The following UXS1 variants were observed in gnomAD, a reference collection of about 807,000 sequenced individuals.
The protein encoded by UXS1 is UDP-glucuronate decarboxylase 1.
A neutral mutation model predicts 62.6 loss-of-function variants in UXS1; 33 were observed. The ratio of observed to expected loss-of-function variants is 0.53; its 90% CI spans 0.40 to 0.70. The LOEUF is 0.70. Among genes scored for constraint, UXS1 ranks in the 30% least tolerant of loss-of-function variants. UXS1 has a pLI of 0.00. For missense variants in UXS1, 434 were observed against 556.3 expected, an observed-to-expected ratio of 0.78 and a Z score of 2.21; for synonymous variants, 213 against 206.8, an observed-to-expected ratio of 1.03 and a Z score of -0.26.
intron 1 of UXS1, among the ~76,000 whole-genome samples, chr2:106,183,095 T>C (rs1445580904): frequency 1.3e-5 from 2 of 152,154 alleles, no homozygotes; most frequent in Non-Finnish European, 2.9e-5. Context: ...TATTCACAGC[T>C]AATGGCCATT....
At chr2:106,110,166 G>T (rs908427360) in intron 10 of UXS1, among the ~76,000 whole-genome samples, 19 of 152,122 alleles carry the variant, frequency 1.2e-4, no homozygotes, top group African/African-American at 4.3e-4. Context: ...ATTCTGAAAG[G>T]CCTCCCTCGG....
intron 9 of UXS1, among the ~76,000 whole-genome samples, chr2:106,113,121 T>C (rs567440618): frequency 6.6e-6 from 1 of 152,362 alleles, no homozygotes; most frequent in South Asian, 2.1e-4. Flanking sequence ...ATGTTATGAA[T>C]ATGCTTTTCT....
At chr2:106,150,939 A>G (rs1484555798) in intron 5 of UXS1, among the ~76,000 whole-genome samples, 1 of 152,198 alleles carries the variant, frequency 6.6e-6, no homozygotes, top group Non-Finnish European at 1.5e-5. Context: ...TGGAGTCAAG[A>G]AAGATTATCT....
In UXS1 at chr2:106,154,065, CA is replaced by C. The variant is rs370865919; in HGVS notation, c.291+3992del. 6.5e-3 allele frequency among the ~76,000 whole-genome samples: 984 copies of C among 152,264 alleles called. 10 individuals carry two copies. Among genetic ancestry groups the C allele is most frequent in the African/African-American group, 0.02 (835 of 41,554 alleles). ...GCAGGAAACTAAACAGAGCCTCAGACAAATACAGGACACCAATAAGTGCATC... is the reference window on the plus strand; with the variant it reads ...GCAGGAAACTAAACAGAGCCTCAGACAATACAGGACACCAATAAGTGCATC... On this transcript the variant is annotated intron_variant, in intron 5 of 14. Coordinates refer to ENST00000283148, the MANE Select transcript of UXS1 (RefSeq NM_001253875.2).
chr2:106,093,894 G>T lies in UXS1; in HGVS notation c.*132C>A. On this transcript the variant is annotated 3_prime_UTR_variant, in exon 15 of 15. Transcript: ENST00000283148. ...AGGCACATCCATTTCATTAAAGCAA[G>T]CTTCAGAATGAAATTCCAGTTTGTT... The T allele has an allele frequency of 8.0e-7, 1 of 1,255,246 alleles. No individual in the cohort carries two copies. Among genetic ancestry groups the T allele is most frequent in the Non-Finnish European group, 1.1e-6 (1 of 951,472 alleles). The allele number at this position is 1,255,246 out of a possible 1,614,324, so 77.8% of individuals were successfully genotyped here. A position where few individuals can be genotyped will look rare whatever the true frequency, so the allele number is the denominator to read the frequency against.
At chr2:106,139,284 G>A (rs1478084787) in intron 6 of UXS1, among the ~76,000 whole-genome samples, 2 of 152,172 alleles carry the variant, frequency 1.3e-5, no homozygotes, top group Non-Finnish European at 2.9e-5. Flanking sequence ...AGCTCAGCTA[G>A]AAAAATAGAA....
rs528627291 is a variant in UXS1, at chr2:106,194,265, G to C, written c.-24C>G. ...ATCCCCGGGAGCCGCGCGGGTCCAGGGCCCTACCGCGCGGGGGCCCGCCTG... is the reference window on the plus strand; with the variant it reads ...ATCCCCGGGAGCCGCGCGGGTCCAGCGCCCTACCGCGCGGGGGCCCGCCTG... On this transcript the variant is annotated 5_prime_UTR_variant, in exon 1 of 15. Transcript: ENST00000283148. The C allele has an allele frequency of 7.6e-7, 1 of 1,324,214 alleles. No individual in the cohort carries two copies. The highest frequency in any genetic ancestry group is 9.8e-7 in the Non-Finnish European group (1 of 1,025,304). 82.0% of individuals were successfully genotyped at this position (1,324,214 alleles called of 1,614,324 possible).
At chr2:106,113,875 A>G (rs1678842168) in intron 9 of UXS1, among the ~76,000 whole-genome samples, 1 of 152,214 alleles carries the variant, frequency 6.6e-6, no homozygotes, top group South Asian at 2.1e-4. Context: ...TGACCGCCTC[A>G]GTGTTCTAAG....
At chr2:106,153,878 A>C (rs1034566171) in intron 5 of UXS1, among the ~76,000 whole-genome samples, 4 of 152,242 alleles carry the variant, frequency 2.6e-5, no homozygotes, top group Admixed American at 2.0e-4. Flanking sequence ...TAGATAATAA[A>C]GAGAGATTAC....
At chr2:106,141,333 G>A (rs767946889) in intron 6 of UXS1, among the ~76,000 whole-genome samples, 7 of 152,210 alleles carry the variant, frequency 4.6e-5, no homozygotes, top group Non-Finnish European at 8.8e-5. Flanking sequence ...ACCTATTTGT[G>A]TTAGCTGGGT....
chr2:106,158,596 T>C (rs1351297666), intron 4 of UXS1, among the ~76,000 whole-genome samples: 1 of 152,200 alleles, frequency 6.6e-6, no homozygotes, highest in Admixed American at 6.5e-5. Flanking sequence ...GAGAGGAATT[T>C]ATAGTTAAAC....
intron 5 of UXS1, among the ~76,000 whole-genome samples, chr2:106,157,334 G>A (rs1682518819): frequency 6.6e-6 from 1 of 152,054 alleles, no homozygotes; most frequent in South Asian, 2.1e-4. Flanking sequence ...TAGTTAAAAG[G>A]GTTTCTTTCA....
At chr2:106,144,713 A>G (rs551944607) in intron 6 of UXS1, among the ~76,000 whole-genome samples, 1 of 152,264 alleles carries the variant, frequency 6.6e-6, no homozygotes, top group African/African-American at 2.4e-5. Flanking sequence ...TGGTTCATAT[A>G]TGCATCTTCT....
intron 1 of UXS1, among the ~76,000 whole-genome samples, chr2:106,188,075 G>A (rs1684685387): frequency 6.6e-6 from 1 of 152,206 alleles, no homozygotes; most frequent in African/African-American, 2.4e-5. Flanking sequence ...AAGGTGAAAA[G>A]ATAATGGCTC....
Position 106,164,767 on chromosome 2 carries a change from C to G in UXS1, c.155G>C (p.Gly52Ala), listed in dbSNP as rs375797170. ...FLLNRSIQEN[G>A]ELKIESKIEE... ...AATCTTGCTTTCAATTTTTAGTTCA[C>G]CATTTTCCTGGATAGACCTGTTGAG... Residue 52 changes from glycine (G) to alanine (A), a missense_variant, in exon 3 of 15, where the codon GGT (glycine) becomes GCT (alanine). Physicochemically the swap from Gly to Ala is moderately conservative, Grantham distance 60. Transcript: ENST00000283148. 6.3e-7 allele frequency: 1 copy of G among 1,591,152 alleles called. No individual in the cohort carries two copies. The highest frequency in any genetic ancestry group is 2.3e-5 in the East Asian group (1 of 44,388).
intron 7 of UXS1, among the ~76,000 whole-genome samples, chr2:106,128,526 T>G (rs1188086421): frequency 6.6e-6 from 1 of 152,156 alleles, no homozygotes; most frequent in African/African-American, 2.4e-5. Flanking sequence ...CTTACAGGCT[T>G]GACTAGAACA....
intron 6 of UXS1, chr2:106,138,451 C>G: frequency 1.0e-6 from 1 of 985,474 alleles, no homozygotes. Flanking sequence ...CCCTCGGTCA[C>G]CCACAAATGC....
chr2:106,152,233 CCTGAGGT>C (rs1159658680), intron 5 of UXS1, among the ~76,000 whole-genome samples: 3 of 152,082 alleles, frequency 2.0e-5, no homozygotes, highest in Non-Finnish European at 4.4e-5. Context: ...GGACAGATAG[CCTGAGGT>C]CAGGAGTTCA....
At chr2:106,126,595 G>T (rs1342162526) in intron 7 of UXS1, among the ~76,000 whole-genome samples, 1 of 152,170 alleles carries the variant, frequency 6.6e-6, no homozygotes, top group African/African-American at 2.4e-5. Context: ...GCAGCCAGGG[G>T]TATCAGTGTG....
Sources: allele counts gnomAD v4.1 joint callset (sites outside exome capture counted in the v4.1 genomes callset), GRCh38; gene constraint gnomAD v4.1.1; transcripts MANE v1.5; gene names NCBI Gene and HGNC (gene_info 2026-07-23, HGNC 2026-07-21).